The following CREG2 variants were observed in gnomAD, a reference collection of about 807,000 sequenced individuals.
CREG2 encodes cellular repressor of E1A stimulated genes 2.
A neutral mutation model predicts 26.2 loss-of-function variants in CREG2; 24 were observed. The ratio of observed to expected loss-of-function variants is 0.92; its 90% CI spans 0.66 to 1.29. The LOEUF is 1.29. Among genes scored for constraint, CREG2 ranks in the 50% most tolerant of loss-of-function variants. CREG2 has a pLI of 0.00. For missense variants in CREG2, 366 were observed against 398.6 expected (o/e 0.92, Z 0.70); for synonymous variants, 174 against 169.2 (o/e 1.03, Z -0.22).
At chr2:101,363,365 A>G (rs150692446) in intron 2 of CREG2, among the ~76,000 whole-genome samples, 2 of 152,328 alleles carry the variant, frequency 1.3e-5, no homozygotes, top group Non-Finnish European at 2.9e-5. Flanking sequence ...TGCCTTCTGG[A>G]TAGTTAACCT....
intron 2 of CREG2, among the ~76,000 whole-genome samples, chr2:101,377,641 G>T (rs986927458): frequency 1.3e-5 from 2 of 152,152 alleles, no homozygotes; most frequent in East Asian, 3.9e-4. Context: ...AGGAGAGGGC[G>T]TTGCTGATTG....
rs371065459 is a variant in CREG2 at position 101,364,913 on chromosome 2, G to A, written c.612-9547C>T. ...GCCAGGACATGCTGACGGGTGGGAG[G>A]ATCGTGATGGGGGCAAAGGGTTGGC... On this transcript the variant is annotated intron_variant, in intron 2 of 3. Coordinates refer to ENST00000324768, the MANE Select transcript of CREG2 (RefSeq NM_153836.4). Among the ~76,000 whole-genome samples the A allele has an allele frequency of 4.6e-5, 7 of 152,342 alleles. No individual in the cohort carries two copies. In the East Asian group the frequency reaches 1.4e-3, roughly 29 times the overall value.
intron 1 of CREG2, 73 bp from the exon 2 acceptor site, chr2:101,383,775 C>G: frequency 7.0e-7 from 1 of 1,425,174 alleles, no homozygotes; most frequent in Non-Finnish European, 9.5e-7. Flanking sequence ...TAGCTTGTGC[C>G]TCTGGCTAGG....
chr2:101,386,047 G>C (rs1218766679), intron 1 of CREG2, among the ~76,000 whole-genome samples: 3 of 152,190 alleles, frequency 2.0e-5, no homozygotes, highest in Non-Finnish European at 4.4e-5. Flanking sequence ...TATCCAACTG[G>C]ATCTGCATTT....
intron 2 of CREG2, among the ~76,000 whole-genome samples, chr2:101,376,844 T>A (rs1168607254): frequency 6.6e-6 from 1 of 152,212 alleles, no homozygotes. Flanking sequence ...AGAAAAACTT[T>A]GCAGAAAATT....
Position 101,350,915 on chromosome 2 carries a change from T to C in CREG2, c.*8A>G. The C allele has an allele frequency of 6.2e-7, 1 of 1,613,782 alleles. No homozygotes were observed. The highest frequency in any genetic ancestry group is 8.5e-7 in the Non-Finnish European group (1 of 1,179,858). On this transcript the variant is annotated 3_prime_UTR_variant, in exon 4 of 4. Coordinates refer to ENST00000324768, the MANE Select transcript of CREG2 (RefSeq NM_153836.4). ...AGTGCAAACACCAAGGACTTTCTTCTCACTCCATCAGGCCTTTCTGGGAAC... is the reference window on the plus strand; with the variant it reads ...AGTGCAAACACCAAGGACTTTCTTCCCACTCCATCAGGCCTTTCTGGGAAC...
At chr2:101,355,388 T>G in intron 2 of CREG2, 22 bp from the exon 3 acceptor site, 2 of 1,491,526 alleles carry the variant, frequency 1.3e-6, no homozygotes, top group Non-Finnish European at 1.9e-6. Flanking sequence ...AAACATTTTT[T>G]GTATATCAGA....
chr2:101,375,773 C>T (rs1224635467), intron 2 of CREG2: 3 of 155,598 alleles, frequency 1.9e-5, no homozygotes, highest in African/African-American at 4.8e-5. Flanking sequence ...TGTCTCTCCC[C>T]TGAACTAGTG....
chr2:101,383,473 C>G (rs1392764094), intron 2 of CREG2, 60 bp downstream of exon 2: 5 of 1,555,752 alleles, frequency 3.2e-6, no homozygotes, highest in Middle Eastern at 2.2e-4. Flanking sequence ...GAAACCCACC[C>G]CCAACTCTCT....
At chr2:101,356,295 C>T (rs1172603383) in intron 2 of CREG2, among the ~76,000 whole-genome samples, 1 of 152,156 alleles carries the variant, frequency 6.6e-6, no homozygotes, top group Non-Finnish European at 1.5e-5. Context: ...AATCAACATT[C>T]TGGCTCAAAA....
At chr2:101,379,498 T>C (rs1378955938) in intron 2 of CREG2, among the ~76,000 whole-genome samples, 1 of 152,218 alleles carries the variant, frequency 6.6e-6, no homozygotes, top group Non-Finnish European at 1.5e-5. Context: ...GTCCTTCACC[T>C]ATTTCAACTT....
chr2:101,354,972 G>C (rs1047886335), intron 3 of CREG2, among the ~76,000 whole-genome samples: 1 of 152,068 alleles, frequency 6.6e-6, no homozygotes, highest in Non-Finnish European at 1.5e-5. Flanking sequence ...GACGAGGAAG[G>C]CTCAGCTATT....
At chr2:101,354,272 T>A (rs1220465524) in intron 3 of CREG2, among the ~76,000 whole-genome samples, 1 of 151,806 alleles carries the variant, frequency 6.6e-6, no homozygotes. Flanking sequence ...AAAATAAAAA[T>A]AAAAAATAAA....
chr2:101,349,558 A>T lies in CREG2; in HGVS notation c.*1365T>A, dbSNP rs1395817439. On this transcript the variant is annotated 3_prime_UTR_variant, in exon 4 of 4. Transcript: ENST00000324768. ...TTGTAGCCATTACAGAAAGACAGAA[A>T]ACTTGGGACAGCTCAACCCTTTATA... 2 of 152,596 alleles carry T rather than the reference A, an allele frequency of 1.3e-5. No homozygotes were observed. Among genetic ancestry groups the T allele is most frequent in the African/African-American group, 4.8e-5 (2 of 41,432 alleles). 9.5% of individuals were successfully genotyped at this position (152,596 alleles called of 1,614,324 possible).
At chr2:101,370,644 C>T (rs1387234034) in intron 2 of CREG2, among the ~76,000 whole-genome samples, 2 of 152,140 alleles carry the variant, frequency 1.3e-5, no homozygotes, top group Non-Finnish European at 2.9e-5. Flanking sequence ...TCCGAAGGCC[C>T]TTATTTTCAG....
At chr2:101,378,646 C>T (rs150123312) in intron 2 of CREG2, among the ~76,000 whole-genome samples, 4 of 152,282 alleles carry the variant, frequency 2.6e-5, no homozygotes, top group Admixed American at 6.5e-5. Flanking sequence ...CTCAGATATC[C>T]GCCTCTCCCC....
intron 2 of CREG2, chr2:101,375,736 C>T (rs943533328): frequency 3.7e-5 from 6 of 161,372 alleles, no homozygotes; most frequent in Non-Finnish European, 6.8e-5. Context: ...CACCTGACAC[C>T]GAGCCACCAT....
intron 2 of CREG2, among the ~76,000 whole-genome samples, chr2:101,367,433 AT>A (rs1684634476): frequency 6.6e-6 from 1 of 152,196 alleles, no homozygotes; most frequent in Non-Finnish European, 1.5e-5. Context: ...TAATTTCTAT[AT>A]TTAAAACATT....
intron 1 of CREG2, among the ~76,000 whole-genome samples, chr2:101,385,953 T>A (rs570511446): frequency 3.3e-5 from 5 of 152,342 alleles, no homozygotes; most frequent in African/African-American, 9.6e-5. Flanking sequence ...CTAAGATCAG[T>A]GTCATCTTTA....
Sources: gnomAD v4.1 joint callset for allele counts (sites outside exome capture counted in the v4.1 genomes callset) on GRCh38, gnomAD v4.1.1 for gene constraint, MANE v1.5 for transcripts, NCBI Gene and HGNC (gene_info 2026-07-23, HGNC 2026-07-21) for gene names.